Variants in IRX4 observed in about 807,000 individuals in gnomAD.
IRX4 encodes iroquois homeobox 4, also known as iroquois-class homeodomain protein IRX-4.
Under a neutral mutation model 32.0 loss-of-function variants are expected in IRX4, and 22 were observed. The ratio of observed to expected loss-of-function variants is 0.69; its 90% CI spans 0.49 to 0.98. IRX4 has a LOEUF of 0.98. IRX4 is among the 50% of genes least tolerant of loss of function. The pLI, the probability that IRX4 is intolerant of heterozygous loss-of-function variation, is 0.00. For synonymous variants in IRX4, 379 were observed against 351.7 expected, an observed-to-expected ratio of 1.08 and a Z score of -0.87; for missense variants, 840 against 744.2, an observed-to-expected ratio of 1.13 and a Z score of -1.50.
chr5:1,881,848 T>C lies in IRX4; in HGVS notation c.257A>G (p.Tyr86Cys). Residue 86 changes from tyrosine (Y) to cysteine (C), a missense_variant, in exon 2 of 5, where the codon TAC becomes TGC. By Grantham distance (194) the Tyr-to-Cys change is radical. This residue lies in a region of IRX4 where 241 missense variants were observed against 220.8 expected (regional missense o/e 1.09). Coordinates refer to ENST00000231357, the MANE Select transcript of IRX4 (RefSeq NM_016358.3). ...GGACGCCTCCGAGCCGTAGGTCACG[T>C]AGTTGCCATAGCCCTGCGATCCGCC... ...PYGGSQGYGN[Y>C]VTYGSEASAF... The C allele has an allele frequency of 6.3e-7, 1 of 1,579,382 alleles. No homozygotes were observed. Among genetic ancestry groups the C allele is most frequent in the Non-Finnish European group, 8.6e-7 (1 of 1,162,960 alleles).
In IRX4 at chr5:1,879,550, G is replaced by GCCC; in HGVS notation, c.687_689dup (p.Gly230dup). ...GGGGCTCCTCCCGCGCCTCCTCCTC[G>GCCC]CCCCCCTCCTCCTCCTCGCCCTCCG... is the stretch of plus-strand genomic sequence containing the variant. On this transcript the variant is annotated inframe_insertion, in exon 4 of 5. Transcript: ENST00000231357. 6.2e-7 allele frequency: 1 copy of GCCC among 1,613,090 alleles called. No individual in the cohort carries two copies. Among genetic ancestry groups the GCCC allele is most frequent in the Non-Finnish European group, 8.5e-7 (1 of 1,179,928 alleles).
chr5:1,877,524 CAA>C lies in IRX4; in HGVS notation c.*443_*444del, dbSNP rs3830370. The C allele has an allele frequency of 0.11, 19,946 of 176,148 alleles. 1,439 individuals are homozygous for C. The highest frequency in any genetic ancestry group is 0.32 in the East Asian group (1,945 of 6,100). 10.9% of individuals were successfully genotyped at this position (176,148 alleles called of 1,614,324 possible). On this transcript the variant is annotated 3_prime_UTR_variant, in exon 5 of 5. Coordinates refer to ENST00000231357, the MANE Select transcript of IRX4 (RefSeq NM_016358.3). ...CTTAAAAAGCATCATATTATGGAGT[CAA>C]GAGTGTGCAAGAGTCAACTCAGTGC...
intron 3 of IRX4, chr5:1,880,165 G>A (rs921014537): frequency 1.3e-6 from 2 of 1,529,146 alleles, no homozygotes; most frequent in Admixed American, 2.0e-5. Context: ...AAAAGGTATA[G>A]ACAGGTAAGC....
upstream of IRX4, among the ~76,000 whole-genome samples, chr5:1,885,744 C>G (rs1735608652): frequency 1.3e-5 from 2 of 152,230 alleles, no homozygotes; most frequent in African/African-American, 4.8e-5. Context: ...ACTGGGCCAC[C>G]CTTCTCCCAT....
Position 1,880,474 on chromosome 5 carries a change from T to G in IRX4, c.407+251A>C, listed in dbSNP as rs4975752. On this transcript the variant is annotated intron_variant, in intron 3 of 4. Coordinates refer to ENST00000231357, the MANE Select transcript of IRX4 (RefSeq NM_016358.3). ...ACTTCCCTGAAAGCTGCCGCACATT[T>G]AGGACTTCTGGGGCCCAACAACGTG... 0.26 allele frequency among the ~76,000 whole-genome samples: 39,837 copies of G among 152,104 alleles called. 5,397 individuals carry two copies. Among genetic ancestry groups the G allele is most frequent in the East Asian group, 0.32 (1,627 of 5,160 alleles).
chr5:1,878,609 G>C lies in IRX4; in HGVS notation c.920C>G (p.Ser307Cys), dbSNP rs367939020. The C allele has an allele frequency of 6.1e-4, 961 of 1,563,456 alleles. No individual in the cohort carries two copies. Among genetic ancestry groups the C allele is most frequent in the Non-Finnish European group, 8.0e-4 (923 of 1,155,194 alleles). ...VKEASGALRM[S>C]LAAGGGAALD... is the part of the protein sequence containing the mutation. ...AGCAGCTCCGCCACCCGCGGCCAGA[G>C]ACATCCGGAGCGCGCCTGAGGCCTC... Residue 307 changes from serine to cysteine, a missense_variant, in exon 5 of 5, where the codon TCT (serine) becomes TGT (cysteine). Ser to Cys is a moderately radical substitution (Grantham distance 112, BLOSUM62 -1). This residue lies in a region of IRX4 where 585 missense variants were observed against 488.0 expected (regional missense o/e 1.20). Coordinates refer to ENST00000231357, the MANE Select transcript of IRX4 (RefSeq NM_016358.3).
intron 3 of IRX4, chr5:1,880,206 G>A (rs1163854382): frequency 7.5e-7 from 1 of 1,333,320 alleles, no homozygotes; most frequent in Non-Finnish European, 1.0e-6. Context: ...CGTGTGGCAG[G>A]AAGGGTCATT....
At chr5:1,880,182 C>T (rs762054813) in intron 3 of IRX4, 31 of 1,481,016 alleles carry the variant, frequency 2.1e-5, no homozygotes, top group Admixed American at 6.0e-5. Context: ...AAGCCCACAC[C>T]CTGAGATGTA....
At chr5:1,880,950 G>A (rs532458997) in intron 2 of IRX4, 116 bp from the exon 3 acceptor site, 37 of 803,336 alleles carry the variant, frequency 4.6e-5, no homozygotes, top group South Asian at 2.9e-4. Context: ...GCAGCCCTAC[G>A]CCCCGGCAGG....
chr5:1,879,650 C>T lies in IRX4; in HGVS notation c.590G>A (p.Arg197His), dbSNP rs373640113. The part of the protein sequence containing the change: ...TQVSTWFANA[R>H]RRLKKENKMT... ...CTTGTTCTCCTTCTTGAGGCGCCGG[C>T]GCGCGTTGGCGAACCAGGTGGAGAC... The change falls in exon 4 of 5, where the codon CGC becomes CAC. Residue 197 changes from arginine to histidine, a missense_variant. Physicochemically the swap from Arg to His is conservative, Grantham distance 29. Coordinates refer to ENST00000231357, the MANE Select transcript of IRX4 (RefSeq NM_016358.3). 6.2e-7 allele frequency: 1 copy of T among 1,614,174 alleles called. No homozygotes were observed.
At chr5:1,886,715 G>T (rs1474459929), upstream of IRX4, 3 of 146,224 alleles carry the variant, frequency 2.1e-5, no homozygotes, top group African/African-American at 7.6e-5. Flanking sequence ...CCCACCCCCC[G>T]CCCCGCGCCG....
chr5:1,881,682 A>G, intron 2 of IRX4, 126 bp downstream of exon 2: 1 of 1,209,996 alleles, frequency 8.3e-7, no homozygotes, highest in East Asian at 2.6e-5. Flanking sequence ...AGTTGAAGGC[A>G]GCCAAGGTGA....
upstream of IRX4, among the ~76,000 whole-genome samples, chr5:1,883,657 G>C (rs942715943): frequency 2.0e-5 from 3 of 152,218 alleles, no homozygotes; most frequent in Non-Finnish European, 4.4e-5. Context: ...CCTCTGGGCA[G>C]CCGAGTGTCG....
rs1277270736 is a variant in IRX4, at chr5:1,879,819, C to T, written c.421G>A (p.Asp141Asn). ...QYPYDRYGTM[D>N]SGTRRKNATR... is the part of the protein sequence containing the mutation. ...GCGTTCTTGCGCCGCGTGCCGCTGT[C>T]CATGGTTCCATACCTGGAGACAGGC... The change falls in exon 4 of 5, where the codon GAC becomes AAC. Residue 141 changes from aspartate to asparagine, a missense_variant. Asp to Asn is a conservative substitution (Grantham distance 23). Coordinates refer to ENST00000231357, the MANE Select transcript of IRX4 (RefSeq NM_016358.3). 1.9e-6 allele frequency: 3 copies of T among 1,613,902 alleles called. No individual in the cohort carries two copies. Among genetic ancestry groups the T allele is most frequent in the Non-Finnish European group, 2.5e-6 (3 of 1,180,032 alleles).
chr5:1,877,676 T>C lies in IRX4; in HGVS notation c.*293A>G, dbSNP rs761991430. On this transcript the variant is annotated 3_prime_UTR_variant, in exon 5 of 5. Coordinates refer to ENST00000231357, the MANE Select transcript of IRX4 (RefSeq NM_016358.3). Reference sequence around the variant, plus strand: ...GGAACCGCCTTCTCCATGTAAACTTTTGACGTAAACTTTATGCTTCAGGGT... The same window carrying C: ...GGAACCGCCTTCTCCATGTAAACTTCTGACGTAAACTTTATGCTTCAGGGT... The C allele has an allele frequency of 9.5e-6, 4 of 423,104 alleles. No individual in the cohort carries two copies. Among genetic ancestry groups the C allele is most frequent in the South Asian group, 4.2e-5 (1 of 23,690 alleles). The allele number at this position is 423,104 out of a possible 1,614,324, so 26.2% of individuals were successfully genotyped here.
intron 1 of IRX4, 126 bp from the exon 2 acceptor site, chr5:1,882,185 A>G (rs1407441352): frequency 8.7e-7 from 1 of 1,155,326 alleles, no homozygotes; most frequent in African/African-American, 1.6e-5. Context: ...CGCCGTCCAC[A>G]CCAGGATGCT....
In IRX4 at chr5:1,878,371, G is replaced by T. The variant is rs768781024; in HGVS notation, c.1158C>A (p.Ser386Arg). Residue 386 changes from serine (S) to arginine (R), a missense_variant, in exon 5 of 5, where the codon AGC becomes AGA. This residue lies in a region of IRX4 where 585 missense variants were observed against 488.0 expected (regional missense o/e 1.20). Transcript: ENST00000231357. ...GCATGCACGACGGAAACTCAGTCTG[G>T]CTCAGGGAGGTGGCGGCGGCGGCGG... The part of the protein sequence containing the change: ...TAAAAAATSL[S>R]QTEFPSCMLK... The T allele has an allele frequency of 7.6e-5, 116 of 1,535,322 alleles. No homozygotes were observed. Among genetic ancestry groups the T allele is most frequent in the Non-Finnish European group, 8.7e-5 (100 of 1,143,744 alleles).
At position 1,879,676 on chromosome 5, in the gene IRX4, C is replaced by T; in HGVS notation, c.564G>A (p.Gln188=). 1 of 1,614,230 alleles carries T rather than the reference C, an allele frequency of 6.2e-7. No individual in the cohort carries two copies. The highest frequency in any genetic ancestry group is 8.5e-7 in the Non-Finnish European group (1 of 1,180,046). The change falls in exon 4 of 5, where the codon CAG becomes CAA. Residue 188 remains glutamine, a synonymous_variant. Coordinates refer to ENST00000231357, the MANE Select transcript of IRX4 (RefSeq NM_016358.3). ...GCGCGTTGGCGAACCAGGTGGAGAC[C>T]TGTGTGAGGGTCATCTTGGTGATGA... ...LAIITKMTLT[Q]VSTWFANARR...
chr5:1,879,528 G>T lies in IRX4; in HGVS notation c.712C>A (p.Pro238Thr). Residue 238 changes from proline (P) to threonine (T), a missense_variant, in exon 4 of 5, where the codon CCC becomes ACC. Coordinates refer to ENST00000231357, the MANE Select transcript of IRX4 (RefSeq NM_016358.3). ...CCTGCGTTCTTGGAGCTCTTGAGGG[G>T]CTCCTCCCGCGCCTCCTCCTCGCCC... Reference protein sequence around the residue: ...EGGEEEAREEPLKSSKNAEPV... With the variant: ...EGGEEEAREETLKSSKNAEPV... 6.2e-7 allele frequency: 1 copy of T among 1,613,220 alleles called. No homozygotes were observed. The highest frequency in any genetic ancestry group is 1.1e-5 in the South Asian group (1 of 91,076).
Sources: gnomAD v4.1 joint callset for allele counts (sites outside exome capture counted in the v4.1 genomes callset) on GRCh38, gnomAD v4.1.1 for gene constraint, gnomAD v4.1.1 regional missense constraint, MANE v1.5 for transcripts, NCBI Gene and HGNC (gene_info 2026-07-23, HGNC 2026-07-21) for gene names.